Variants in PCDH9 observed in about 807,000 individuals in gnomAD.
PCDH9 encodes protocadherin-9.
Under a neutral mutation model 70.6 loss-of-function variants are expected in PCDH9, and 24 were observed. The observed-to-expected ratio is 0.34, with a 90% confidence interval of 0.25 to 0.48. The LOEUF is 0.48. Ranked by LOEUF, PCDH9 falls within the 20% of genes least tolerant of loss-of-function variation. The pLI, the probability that PCDH9 is intolerant of heterozygous loss-of-function variation, is 0.99. For synonymous variants in PCDH9, 562 were observed against 558.5 expected (o/e 1.01, Z -0.09); for missense variants, 1,281 against 1,503.6 (o/e 0.85, Z 2.45).
intron 4 of PCDH9, among the ~76,000 whole-genome samples, chr13:66,486,074 A>G (rs879526557): frequency 1.3e-5 from 2 of 152,170 alleles, no homozygotes; most frequent in Non-Finnish European, 2.9e-5. Context: ...GTTATCATAT[A>G]CAATATGCAT....
At chr13:66,370,001 T>G (rs559084571) in intron 4 of PCDH9, among the ~76,000 whole-genome samples, 1 of 152,210 alleles carries the variant, frequency 6.6e-6, no homozygotes, top group African/African-American at 2.4e-5. Flanking sequence ...AATGTGTACG[T>G]TTTGCTAAGC....
chr13:66,710,063 A>C (rs1296420462), intron 3 of PCDH9, among the ~76,000 whole-genome samples: 1 of 152,172 alleles, frequency 6.6e-6, no homozygotes, highest in Non-Finnish European at 1.5e-5. Flanking sequence ...CTATTAAGAG[A>C]AGTTTACAAA....
intron 3 of PCDH9, among the ~76,000 whole-genome samples, chr13:66,822,397 T>C (rs1402371721): frequency 6.6e-6 from 1 of 152,140 alleles, no homozygotes. Flanking sequence ...TACGTTCAGT[T>C]TGTGACATGT....
At chr13:66,378,910 T>C (rs1047741312) in intron 4 of PCDH9, among the ~76,000 whole-genome samples, 18 of 152,064 alleles carry the variant, frequency 1.2e-4, no homozygotes, top group Admixed American at 2.6e-4. Flanking sequence ...TGCTGCTGAA[T>C]TAGAAAGATG....
Position 67,129,107 on chromosome 13 carries a change from G to T in PCDH9, c.3036+96298C>A, listed in dbSNP as rs1594550632. Among the ~76,000 whole-genome samples the T allele has an allele frequency of 2.0e-5, 3 of 152,090 alleles. No individual in the cohort carries two copies. In the East Asian group the frequency reaches 5.8e-4, roughly 29 times the overall value. On this transcript the variant is annotated intron_variant, in intron 2 of 4. Coordinates refer to ENST00000377865, the MANE Select transcript of PCDH9 (RefSeq NM_203487.3). ...TTTGTTGTAACATTACTACTTATCG[G>T]CATTCTTGTTATATTTCTGTTTTAT...
chr13:66,727,225 C>T (rs904123021), intron 3 of PCDH9, among the ~76,000 whole-genome samples: 1 of 152,130 alleles, frequency 6.6e-6, no homozygotes, highest in South Asian at 2.1e-4. Flanking sequence ...CATGCCACTG[C>T]ACACCAGCCA....
intron 3 of PCDH9, among the ~76,000 whole-genome samples, chr13:66,680,307 A>G (rs1055518294): frequency 2.1e-4 from 32 of 152,122 alleles, no homozygotes; most frequent in African/African-American, 7.5e-4. Flanking sequence ...GGTAATTTAG[A>G]AAGTTTCCTT....
rs1253644890 is a variant in PCDH9 at position 67,124,120 on chromosome 13, AAAAAGT to A, written c.3036+101279_3036+101284del. Among the ~76,000 whole-genome samples the A allele has an allele frequency of 1.1e-4, 17 of 152,258 alleles. No homozygotes were observed. In the East Asian group the frequency reaches 2.3e-3, roughly 21 times the overall value. On this transcript the variant is annotated intron_variant, in intron 2 of 4. Coordinates refer to ENST00000377865, the MANE Select transcript of PCDH9 (RefSeq NM_203487.3). ...AAATAATAAGGAATCCATGGTTTCAAAAAAGTAAAATGCATGCACTCTTTAACTACT... is the reference window on the plus strand; with the variant it reads ...AAATAATAAGGAATCCATGGTTTCAAAAAATGCATGCACTCTTTAACTACT...
chr13:66,557,081 T>A (rs1261679066), intron 4 of PCDH9, among the ~76,000 whole-genome samples: 1 of 152,172 alleles, frequency 6.6e-6, no homozygotes, highest in Non-Finnish European at 1.5e-5. Flanking sequence ...TCAATAAGAT[T>A]ATGAAGGAGA....
intron 2 of PCDH9, among the ~76,000 whole-genome samples, chr13:66,932,640 T>C (rs1206424918): frequency 7.8e-6 from 1 of 128,244 alleles, no homozygotes; most frequent in East Asian, 2.2e-4. Flanking sequence ...TTTTCTAGGC[T>C]TAAATGTGTA....
chr13:67,103,343 A>C (rs2086470319), intron 2 of PCDH9, among the ~76,000 whole-genome samples: 1 of 152,164 alleles, frequency 6.6e-6, no homozygotes, highest in South Asian at 2.1e-4. Flanking sequence ...CTACAGGTGA[A>C]TGTGTTGATA....
At chr13:66,636,550 G>T (rs1402018441) in intron 3 of PCDH9, among the ~76,000 whole-genome samples, 3 of 151,838 alleles carry the variant, frequency 2.0e-5, no homozygotes, top group Non-Finnish European at 2.9e-5. Context: ...ATTGTCCAAT[G>T]GAATGTTATA....
At chr13:66,637,864 A>C (rs2077659617) in intron 3 of PCDH9, among the ~76,000 whole-genome samples, 1 of 151,674 alleles carries the variant, frequency 6.6e-6, no homozygotes, top group South Asian at 2.1e-4. Context: ...CAGTGAGCCG[A>C]GATCATGCCA....
chr13:66,393,549 C>A (rs374053522), intron 4 of PCDH9, among the ~76,000 whole-genome samples: 33 of 152,156 alleles, frequency 2.2e-4, no homozygotes, highest in African/African-American at 7.5e-4. Context: ...GGAATGCCCA[C>A]AGGAATCCAA....
At chr13:67,007,394 GAA>G (rs1355378214) in intron 2 of PCDH9, among the ~76,000 whole-genome samples, 1 of 152,078 alleles carries the variant, frequency 6.6e-6, no homozygotes, top group Admixed American at 6.6e-5. Flanking sequence ...AAGACTGAAA[GAA>G]GAGTTAAAAC....
intron 2 of PCDH9, among the ~76,000 whole-genome samples, chr13:67,111,636 C>T (rs2086660960): frequency 6.6e-6 from 1 of 151,930 alleles, no homozygotes; most frequent in African/African-American, 2.4e-5. Context: ...CTTTTTTTGC[C>T]ACTCATACTT....
rs144961597 is a variant in PCDH9, at chr13:66,494,156, T to C, written c.3340+137054A>G. Among the ~76,000 whole-genome samples, 491 of 152,214 alleles carry C rather than the reference T, an allele frequency of 3.2e-3. 3 individuals are homozygous for C. Among genetic ancestry groups the C allele is most frequent in the African/African-American group, 0.011 (471 of 41,554 alleles). ...GAACCTGAGTAGAAAAGGAATCTGGTTGGCTAAAGAATAAGGTCAACAAAG... is the reference window on the plus strand; with the variant it reads ...GAACCTGAGTAGAAAAGGAATCTGGCTGGCTAAAGAATAAGGTCAACAAAG... On this transcript the variant is annotated intron_variant, in intron 4 of 4. Coordinates refer to ENST00000377865, the MANE Select transcript of PCDH9 (RefSeq NM_203487.3).
At chr13:66,623,665 C>T (rs2077461751) in intron 4 of PCDH9, among the ~76,000 whole-genome samples, 2 of 152,152 alleles carry the variant, frequency 1.3e-5, no homozygotes, top group East Asian at 1.9e-4. Flanking sequence ...GTCTCCAACT[C>T]CTGGCTTCAA....
intron 2 of PCDH9, among the ~76,000 whole-genome samples, chr13:67,192,005 G>A (rs201766137): frequency 2.0e-5 from 3 of 149,114 alleles, no homozygotes; most frequent in East Asian, 2.0e-4. Context: ...ACCTATTTCA[G>A]AAAAAAAAAA....
Sources: gnomAD v4.1 joint callset for allele counts (sites outside exome capture counted in the v4.1 genomes callset) on GRCh38, gnomAD v4.1.1 for gene constraint, MANE v1.5 for transcripts, NCBI Gene and HGNC (gene_info 2026-07-23, HGNC 2026-07-21) for gene names.